Variants in MCC observed in about 807,000 individuals in gnomAD.
MCC encodes colorectal mutant cancer protein.
In MCC, 90 loss-of-function variants were observed where a neutral mutation model predicts 116.2. The ratio of observed to expected loss-of-function variants is 0.77; its 90% CI spans 0.65 to 0.92. The LOEUF (loss-of-function observed/expected upper bound fraction) is 0.92, where lower values mean the gene tolerates loss of function less well. Among genes scored for constraint, MCC ranks in the 40% least tolerant of loss-of-function variants. The probability of loss-of-function intolerance (pLI) is 0.00; values close to 1 mark genes in which losing one functional copy is unlikely to be tolerated. For missense variants in MCC, 1,516 were observed against 1,312.2 expected, an observed-to-expected ratio of 1.16 and a Z score of -2.40; for synonymous variants, 578 against 510.5, an observed-to-expected ratio of 1.13 and a Z score of -1.78.
intron 5 of MCC, among the ~76,000 whole-genome samples, chr5:113,136,255 A>G (rs938033266): frequency 6.6e-6 from 1 of 152,182 alleles, no homozygotes; most frequent in Non-Finnish European, 1.5e-5. Flanking sequence ...GCTGGTTAGA[A>G]TTCTTTATTT....
intron 8 of MCC, among the ~76,000 whole-genome samples, chr5:113,099,123 T>C (rs1475124309): frequency 6.6e-6 from 1 of 152,220 alleles, no homozygotes; most frequent in Non-Finnish European, 1.5e-5. Flanking sequence ...CTTTTTGAGA[T>C]CTACACTCAT....
chr5:113,229,683 T>A (rs935383044), intron 3 of MCC, among the ~76,000 whole-genome samples: 1 of 152,240 alleles, frequency 6.6e-6, no homozygotes, highest in African/African-American at 2.4e-5. Context: ...ACGGTGGTCC[T>A]GTAAGATTGT....
chr5:113,178,818 C>G (rs1761466093), intron 3 of MCC, among the ~76,000 whole-genome samples: 1 of 152,118 alleles, frequency 6.6e-6, no homozygotes, highest in Non-Finnish European at 1.5e-5. Flanking sequence ...TGCCTTCTAC[C>G]AGAAGGCAAA....
intron 6 of MCC, among the ~76,000 whole-genome samples, chr5:113,112,012 A>C (rs1581086526): frequency 6.6e-6 from 1 of 152,294 alleles, no homozygotes; most frequent in Middle Eastern, 3.4e-3. Context: ...TAAAAATCCT[A>C]ACTCAAATAA....
At chr5:113,299,688 T>C (rs1370859310) in intron 3 of MCC, among the ~76,000 whole-genome samples, 3 of 152,212 alleles carry the variant, frequency 2.0e-5, no homozygotes, top group Non-Finnish European at 4.4e-5. Context: ...ACAAATCCTG[T>C]TATACTGTGG....
intron 3 of MCC, among the ~76,000 whole-genome samples, chr5:113,241,599 C>A (rs1482312664): frequency 6.6e-6 from 1 of 152,224 alleles, no homozygotes; most frequent in Admixed American, 6.5e-5. Context: ...TTCACACATA[C>A]AGGACTACTG....
chr5:113,039,947 G>A (rs1187923686), intron 17 of MCC, among the ~76,000 whole-genome samples: 4 of 151,920 alleles, frequency 2.6e-5, no homozygotes, highest in African/African-American at 2.4e-5. Flanking sequence ...AATTTTACTA[G>A]GACCAAGGGT....
chr5:113,036,455 G>C (rs565338341), intron 17 of MCC, among the ~76,000 whole-genome samples: 1 of 152,172 alleles, frequency 6.6e-6, no homozygotes, highest in African/African-American at 2.4e-5. Context: ...TTCACAAAGG[G>C]AATACAGTAG....
chr5:113,263,586 A>C (rs891143996), intron 3 of MCC, among the ~76,000 whole-genome samples: 3 of 152,238 alleles, frequency 2.0e-5, no homozygotes, highest in African/African-American at 7.2e-5. Flanking sequence ...TCTCAGAGTA[A>C]CATGACTTTC....
intron 5 of MCC, among the ~76,000 whole-genome samples, chr5:113,123,835 G>T (rs956408471): frequency 6.6e-6 from 1 of 152,208 alleles, no homozygotes; most frequent in Non-Finnish European, 1.5e-5. Flanking sequence ...AGGGCAGGTT[G>T]TCTGTGAAGA....
intron 3 of MCC, among the ~76,000 whole-genome samples, chr5:113,169,987 C>T (rs1484703737): frequency 6.6e-6 from 1 of 152,158 alleles, no homozygotes; most frequent in Non-Finnish European, 1.5e-5. Flanking sequence ...GTACTTCCTT[C>T]TGGGGATGGC....
At chr5:113,070,641 A>C (rs766243366) in intron 12 of MCC, among the ~76,000 whole-genome samples, 22 of 152,232 alleles carry the variant, frequency 1.4e-4, no homozygotes, top group Non-Finnish European at 1.9e-4. Flanking sequence ...CAAAAGTCTA[A>C]ATGTCTTTTA....
At position 113,143,263 on chromosome 5, in the gene MCC, G is replaced by T; in HGVS notation, c.839C>A (p.Ala280Glu). The T allele has an allele frequency of 6.2e-7, 1 of 1,612,860 alleles. No individual in the cohort carries two copies. The highest frequency in any genetic ancestry group is 2.2e-5 in the East Asian group (1 of 44,780). The change falls in exon 5 of 19, where the codon GCG (alanine) becomes GAG (glutamate). Residue 280 changes from alanine to glutamate, a missense_variant. By Grantham distance (107) the Ala-to-Glu change is moderately radical. Transcript: ENST00000408903. The stretch of plus-strand genomic sequence containing the variant: ...ACGGTCTATCTTCTTGTTGAGCTCC[G>T]CAATGACGCTGTGGAGCTCTGTGAT... ...ERITELHSVI[A>E]ELNKKIDRLQ...
At chr5:113,415,135 T>A (rs1159307193) in intron 1 of MCC, among the ~76,000 whole-genome samples, 1 of 152,218 alleles carries the variant, frequency 6.6e-6, no homozygotes, top group Admixed American at 6.5e-5. Context: ...CCGAGAGATC[T>A]GCTGTTAGTC....
At position 113,469,837 on chromosome 5, in the gene MCC, A is replaced by C. The variant is rs548812114; in HGVS notation, c.170+18408T>G. On this transcript the variant is annotated intron_variant, in intron 1 of 18. Coordinates refer to ENST00000408903, the MANE Select transcript of MCC (RefSeq NM_001085377.2). ...AGTCTAAGCCTCTTTGTAGGTCACT[A>C]AGGACTTGCTTTATGAATCTGGGTG... Among the ~76,000 whole-genome samples the C allele has an allele frequency of 2.2e-3, 342 of 152,234 alleles. 1 individual carries two copies. Among genetic ancestry groups the C allele is most frequent in the African/African-American group, 8.0e-3 (334 of 41,544 alleles).
chr5:113,140,565 G>A (rs1235470951), intron 5 of MCC, among the ~76,000 whole-genome samples: 1 of 152,208 alleles, frequency 6.6e-6, no homozygotes, highest in East Asian at 1.9e-4. Flanking sequence ...TTTTAGGGCA[G>A]TCACAGAAGG....
intron 1 of MCC, among the ~76,000 whole-genome samples, chr5:113,413,961 T>C (rs888549924): frequency 6.6e-6 from 1 of 152,164 alleles, no homozygotes; most frequent in Non-Finnish European, 1.5e-5. Context: ...CAGAGATTCT[T>C]GTATGTTGTG....
chr5:113,120,756 G>C (rs1757689249), intron 6 of MCC, among the ~76,000 whole-genome samples: 1 of 152,118 alleles, frequency 6.6e-6, no homozygotes, highest in South Asian at 2.1e-4. Flanking sequence ...GATACAAATG[G>C]GGCAATGACA....
At chr5:113,485,883 T>C (rs1327274035) in intron 1 of MCC, among the ~76,000 whole-genome samples, 1 of 152,188 alleles carries the variant, frequency 6.6e-6, no homozygotes, top group Non-Finnish European at 1.5e-5. Flanking sequence ...TTTTTAAGGT[T>C]TTAATGTTAA....
Sources: gnomAD v4.1 joint callset for allele counts (sites outside exome capture counted in the v4.1 genomes callset) on GRCh38, gnomAD v4.1.1 for gene constraint, MANE v1.5 for transcripts, NCBI Gene and HGNC (gene_info 2026-07-23, HGNC 2026-07-21) for gene names.